Variants in VWA2 observed in about 807,000 individuals in gnomAD.
VWA2 encodes the protein von Willebrand factor A domain-containing protein 2.
A neutral mutation model predicts 70.4 loss-of-function variants in VWA2; 73 were observed. The ratio of observed to expected loss-of-function variants is 1.04; its 90% CI spans 0.86 to 1.26. VWA2 has a LOEUF of 1.26. Ranked by LOEUF, VWA2 falls within the 50% of genes most tolerant of loss-of-function variation. The pLI, the probability that VWA2 is intolerant of heterozygous loss-of-function variation, is 0.00. For synonymous variants in VWA2, 407 were observed against 423.3 expected, an observed-to-expected ratio of 0.96 and a Z score of 0.47; for missense variants, 1,011 against 998.5, an observed-to-expected ratio of 1.01 and a Z score of -0.17.
chr10:114,261,067 A>C, intron 4 of VWA2, 119 bp from the exon 5 acceptor site: 1 of 670,974 alleles, frequency 1.5e-6, no homozygotes. Flanking sequence ...AAGCTCTGGC[A>C]CTGGTGTTTG....
intron 1 of VWA2, among the ~76,000 whole-genome samples, chr10:114,240,237 C>T (rs1391604550): frequency 2.6e-5 from 4 of 152,230 alleles, no homozygotes; most frequent in African/African-American, 9.6e-5. Flanking sequence ...CTGCATGTCT[C>T]CTTCCCTTCC....
Position 114,290,209 on chromosome 10 carries a change from G to A in VWA2, c.2123-31G>A, listed in dbSNP as rs749782810. 206 of 1,549,226 alleles carry A rather than the reference G, an allele frequency of 1.3e-4. 3 individuals are homozygous for A. The highest frequency in any genetic ancestry group is 3.3e-4 in the Middle Eastern group (2 of 5,986). ...CTTCGGGTCTAACCCATGCCTGGCC[G>A]GCCTGGTGGGTATGGTGTTCTCCAT... On this transcript the variant is annotated intron_variant, in intron 12 of 13. Coordinates refer to ENST00000392982, the MANE Select transcript of VWA2 (RefSeq NM_001272046.2).
intron 1 of VWA2, among the ~76,000 whole-genome samples, chr10:114,240,560 C>T (rs528693281): frequency 6.6e-6 from 1 of 152,314 alleles, no homozygotes; most frequent in South Asian, 2.1e-4. Context: ...ACCCCAGAAC[C>T]TCTAAGTGTT....
At chr10:114,248,294 T>C (rs1455684397) in intron 1 of VWA2, among the ~76,000 whole-genome samples, 1 of 152,162 alleles carries the variant, frequency 6.6e-6, no homozygotes, top group Non-Finnish European at 1.5e-5. Context: ...CTTCAGCCTG[T>C]TGAATTCTAA....
rs765143416 is a variant in VWA2, at chr10:114,286,343, G to A, written c.1402G>A (p.Ala468Thr). The A allele has an allele frequency of 6.8e-6, 11 of 1,613,322 alleles. No homozygotes were observed. Among genetic ancestry groups the A allele is most frequent in the Admixed American group, 3.3e-5 (2 of 59,994 alleles). ...EDEVAGPARH[A>T]RARELLLLGV... Reference sequence around the variant, plus strand: ...TGAGGTTGCGGGCCCAGCGCGTCACGCAAGGGCGCGAGAGCTGCTCCTGCT... The same window carrying A: ...TGAGGTTGCGGGCCCAGCGCGTCACACAAGGGCGCGAGAGCTGCTCCTGCT... Residue 468 changes from alanine to threonine, a missense_variant, in exon 11 of 14, where the codon GCA (alanine) becomes ACA (threonine). Coordinates refer to ENST00000392982, the MANE Select transcript of VWA2 (RefSeq NM_001272046.2).
chr10:114,246,273 G>T lies in VWA2; in HGVS notation c.-10-2431G>T. The T allele has an allele frequency of 2.5e-5, 17 of 679,400 alleles. 1 individual carries two copies. Among genetic ancestry groups the T allele is most frequent in the South Asian group, 2.2e-4 (15 of 68,800 alleles). 42.1% of individuals were successfully genotyped at this position (679,400 alleles called of 1,614,324 possible). Reference sequence around the variant, plus strand: ...CCCAGCACTTCGGGAGGCCGAGGCGGTCGTATCACCTGAGGTCAGGAGTTC... The same window carrying T: ...CCCAGCACTTCGGGAGGCCGAGGCGTTCGTATCACCTGAGGTCAGGAGTTC... On this transcript the variant is annotated intron_variant, in intron 1 of 13. Coordinates refer to ENST00000392982, the MANE Select transcript of VWA2 (RefSeq NM_001272046.2).
At chr10:114,246,391 C>T (rs2037069416) in intron 1 of VWA2, 3 of 595,584 alleles carry the variant, frequency 5.0e-6, no homozygotes, top group African/African-American at 1.9e-5. Context: ...ATCCCAGCTA[C>T]TCAGAAGGCT....
chr10:114,250,776 G>C (rs1214105519), intron 2 of VWA2, among the ~76,000 whole-genome samples: 1 of 152,240 alleles, frequency 6.6e-6, no homozygotes, highest in Non-Finnish European at 1.5e-5. Flanking sequence ...GGAGTGGTGA[G>C]ATGTGTTTGG....
intron 1 of VWA2, among the ~76,000 whole-genome samples, chr10:114,244,330 C>A (rs745917615): frequency 3.3e-5 from 5 of 152,160 alleles, no homozygotes; most frequent in Non-Finnish European, 5.9e-5. Context: ...TTACCGGCAG[C>A]CCCAACACCT....
At position 114,261,947 on chromosome 10, in the gene VWA2, G is replaced by T. The variant is rs565687626; in HGVS notation, c.371+652G>T. 3.3e-5 allele frequency among the ~76,000 whole-genome samples: 5 copies of T among 152,274 alleles called. No homozygotes were observed. The East Asian group carries it at 9.6e-4, about 29-fold the overall frequency. ...CTTCCAATCATGGCGGAAGGCAAAG[G>T]TGGGGGGGCAGGTGCATCACATGGC... On this transcript the variant is annotated intron_variant, in intron 5 of 13. Coordinates refer to ENST00000392982, the MANE Select transcript of VWA2 (RefSeq NM_001272046.2).
In VWA2 at chr10:114,244,038, G is replaced by A. The variant is rs144018993; in HGVS notation, c.-11+4469G>A. Among the ~76,000 whole-genome samples, 5 of 152,304 alleles carry A rather than the reference G, an allele frequency of 3.3e-5. No homozygotes were observed. The East Asian group carries it at 5.8e-4, about 18-fold the overall frequency. ...AACAAGGTGATGAGCGAGGTGTAAC[G>A]GAAAAGGCTTGGTGAGGCATACCTG... On this transcript the variant is annotated intron_variant, in intron 1 of 13. Transcript: ENST00000392982.
chr10:114,277,901 C>A lies in VWA2; in HGVS notation c.567-13C>A. ...GGTATAGGACCACAAGCTGTTACAACCCCTTGGCACAGGTGGGAGGAGCTG... is the reference window on the plus strand; with the variant it reads ...GGTATAGGACCACAAGCTGTTACAAACCCTTGGCACAGGTGGGAGGAGCTG... On this transcript the variant is annotated splice_polypyrimidine_tract_variant and intron_variant, in intron 6 of 13. Coordinates refer to ENST00000392982, the MANE Select transcript of VWA2 (RefSeq NM_001272046.2). 1 of 1,597,090 alleles carries A rather than the reference C, an allele frequency of 6.3e-7. No individual in the cohort carries two copies.
In VWA2 at chr10:114,268,942, G is replaced by A. The variant is rs181333676; in HGVS notation, c.372-3798G>A. On this transcript the variant is annotated intron_variant, in intron 5 of 13. Transcript: ENST00000392982. ...GATCTCTTGACCTTGTGAAACGCCC[G>A]CCTCGGCCTTCCAAAGTGCTGGGCC... Among the ~76,000 whole-genome samples the A allele has an allele frequency of 6.6e-5, 10 of 151,728 alleles. No homozygotes were observed. In the East Asian group the frequency reaches 9.9e-4, roughly 15 times the overall value.
chr10:114,269,314 C>T (rs2037653580), intron 5 of VWA2, among the ~76,000 whole-genome samples: 1 of 152,196 alleles, frequency 6.6e-6, no homozygotes, highest in Non-Finnish European at 1.5e-5. Context: ...GGCGTGGTGG[C>T]CCACGCCTGT....
chr10:114,254,819 G>T lies in VWA2; in HGVS notation c.128-96G>T. 3 of 1,524,106 alleles carry T rather than the reference G, an allele frequency of 2.0e-6. No homozygotes were observed. The South Asian group carries it at 3.7e-5, about 19-fold the overall frequency. The allele number at this position is 1,524,106 out of a possible 1,614,324, so 94.4% of individuals were successfully genotyped here. On this transcript the variant is annotated intron_variant, in intron 3 of 13. Coordinates refer to ENST00000392982, the MANE Select transcript of VWA2 (RefSeq NM_001272046.2). The stretch of plus-strand genomic sequence containing the variant: ...CCCTTTCATGCTAAGAGGGACAGCA[G>T]CCTGGCCCACCACAAGGCTGTTTGT...
intron 12 of VWA2, 73 bp downstream of exon 12, chr10:114,289,562 T>C (rs375651414): frequency 2.1e-5 from 33 of 1,542,524 alleles, no homozygotes; most frequent in African/African-American, 1.5e-4. Flanking sequence ...ACATACATCA[T>C]GACGAGGATG....
At position 114,278,743 on chromosome 10, in the gene VWA2, G is replaced by A. The variant is rs760429949; in HGVS notation, c.725G>A (p.Cys242Tyr). Residue 242 changes from cysteine to tyrosine, a missense_variant, in exon 8 of 14, where the codon TGT becomes TAT. Transcript: ENST00000392982. ...TPDCRVEAHPCEHRTLEMVRE... is the reference protein window; with the variant it reads ...TPDCRVEAHPYEHRTLEMVRE... Reference sequence around the variant, plus strand: ...GACTGCAGGGTCGAGGCTCACCCCTGTGAGCACAGGACGCTGGAGATGGTC... The same window carrying A: ...GACTGCAGGGTCGAGGCTCACCCCTATGAGCACAGGACGCTGGAGATGGTC... 1.2e-6 allele frequency: 2 copies of A among 1,614,008 alleles called. No individual in the cohort carries two copies. The highest frequency in any genetic ancestry group is 2.2e-5 in the East Asian group (1 of 44,882).
intron 5 of VWA2, among the ~76,000 whole-genome samples, chr10:114,270,884 A>G (rs958868288): frequency 6.6e-6 from 1 of 152,196 alleles, no homozygotes; most frequent in African/African-American, 2.4e-5. Context: ...CGCTAGCTCC[A>G]GAACACAGGT....
chr10:114,285,921 T>G lies in VWA2; in HGVS notation c.998-18T>G. ...CATGACCATGGCTTGACAGTGGGTG[T>G]TGCTGTGATCCCCGCAGCCCTGAAG... is the stretch of plus-strand genomic sequence containing the variant. On this transcript the variant is annotated intron_variant, in intron 10 of 13. Transcript: ENST00000392982. 2 of 1,568,062 alleles carry G rather than the reference T, an allele frequency of 1.3e-6. No individual in the cohort carries two copies. The highest frequency in any genetic ancestry group is 1.7e-6 in the Non-Finnish European group (2 of 1,152,770).
Sources: gnomAD v4.1 joint callset for allele counts (sites outside exome capture counted in the v4.1 genomes callset) on GRCh38, gnomAD v4.1.1 for gene constraint, MANE v1.5 for transcripts, NCBI Gene and HGNC (gene_info 2026-07-23, HGNC 2026-07-21) for gene names.